SOX5: variants seen among roughly 807,000 people sequenced by gnomAD.
The protein encoded by SOX5 is SRY-box transcription factor 5.
Under a neutral mutation model 92.0 loss-of-function variants are expected in SOX5, and 9 were observed. The observed-to-expected ratio is 0.10, with a 90% CI of 0.06 to 0.17. SOX5 has a LOEUF of 0.17. Among genes scored for constraint, SOX5 ranks in the 10% least tolerant of loss-of-function variants. The pLI, the probability that SOX5 is intolerant of heterozygous loss-of-function variation, is 1.00. For missense variants in SOX5, 642 were observed against 944.5 expected (o/e 0.68, Z 4.20); for synonymous variants, 344 against 336.3 (o/e 1.02, Z -0.25).
At chr12:23,836,231 G>T (rs1005666195) in intron 3 of SOX5, among the ~76,000 whole-genome samples, 1 of 151,754 alleles carries the variant, frequency 6.6e-6, no homozygotes, top group African/African-American at 2.4e-5. Flanking sequence ...CCAACCGATA[G>T]ACCATAATTA....
At chr12:24,093,738 T>C (rs1944964267) in intron 4 of SOX5, among the ~76,000 whole-genome samples, 1 of 151,126 alleles carries the variant, frequency 6.6e-6, no homozygotes. Flanking sequence ...GACGGTCTTG[T>C]ACAAGTCCCG....
Position 23,530,827 on chromosome 12 carries a change from G to GCGCA in SOX5, c.*3391_*3392insTGCG, listed in dbSNP as rs1367835197. The GCGCA allele has an allele frequency of 2.0e-5, 3 of 148,252 alleles. No homozygotes were observed. Among genetic ancestry groups the GCGCA allele is most frequent in the African/African-American group, 5.2e-5 (2 of 38,638 alleles). The allele number at this position is 148,252 out of a possible 1,614,324, so 9.2% of individuals were successfully genotyped here. On this transcript the variant is annotated 3_prime_UTR_variant, in exon 15 of 15. Coordinates refer to ENST00000451604, the MANE Select transcript of SOX5 (RefSeq NM_006940.6). ...TGTGTGTGTGTGTGTGTGCGCGCGC[G>GCGCA]CGCGCGCGCATGTGAGAGAGAGAGA...
At chr12:23,548,070 A>G (rs956224287) in intron 11 of SOX5, among the ~76,000 whole-genome samples, 7 of 152,102 alleles carry the variant, frequency 4.6e-5, no homozygotes, top group Admixed American at 4.6e-4. Context: ...CCTCGGGTCA[A>G]TGAAGACTTT....
At chr12:23,985,967 A>G (rs1031062985) in intron 4 of SOX5, among the ~76,000 whole-genome samples, 1 of 152,152 alleles carries the variant, frequency 6.6e-6, no homozygotes, top group Non-Finnish European at 1.5e-5. Context: ...CTTTCTCAAG[A>G]TAACAACTCT....
At chr12:23,964,210 T>C (rs1394386225) in intron 4 of SOX5, among the ~76,000 whole-genome samples, 1 of 152,150 alleles carries the variant, frequency 6.6e-6, no homozygotes, top group Non-Finnish European at 1.5e-5. Flanking sequence ...AAAATTAAAA[T>C]AGTCATAAAT....
chr12:24,311,321 T>G (rs983066115), intron 2 of SOX5, among the ~76,000 whole-genome samples: 1 of 152,232 alleles, frequency 6.6e-6, no homozygotes, highest in Admixed American at 6.5e-5. Context: ...CTGGGCCTTT[T>G]GAGCCATCAT....
intron 2 of SOX5, among the ~76,000 whole-genome samples, chr12:24,352,573 C>T (rs559008160): frequency 2.6e-4 from 39 of 152,286 alleles, no homozygotes; most frequent in African/African-American, 8.9e-4. Flanking sequence ...TTCTAGTTGA[C>T]TTCTCTTTTC....
chr12:23,753,494 T>A (rs1047737109), intron 4 of SOX5, among the ~76,000 whole-genome samples: 1 of 151,814 alleles, frequency 6.6e-6, no homozygotes, highest in Non-Finnish European at 1.5e-5. Context: ...TCCTAACATA[T>A]GCAAAGGTTC....
At chr12:23,782,577 G>T (rs1227002041) in intron 3 of SOX5, among the ~76,000 whole-genome samples, 1 of 152,136 alleles carries the variant, frequency 6.6e-6, no homozygotes, top group African/African-American at 2.4e-5. Flanking sequence ...AATGATCAAA[G>T]ATCTGGCACA....
intron 4 of SOX5, among the ~76,000 whole-genome samples, chr12:24,146,989 A>C (rs1377093675): frequency 6.6e-6 from 1 of 152,168 alleles, no homozygotes; most frequent in Non-Finnish European, 1.5e-5. Context: ...GATAGTAAAA[A>C]ACCTTTCCAC....
At chr12:24,455,670 T>C (rs1014719284) in intron 1 of SOX5, among the ~76,000 whole-genome samples, 3 of 152,204 alleles carry the variant, frequency 2.0e-5, no homozygotes, top group African/African-American at 4.8e-5. Flanking sequence ...AGCATTCCAA[T>C]GAAGACTGAT....
Position 24,012,187 on chromosome 12 carries a change from G to A in SOX5, c.-1-116163C>T, listed in dbSNP as rs549482494. Among the ~76,000 whole-genome samples, 13 of 152,204 alleles carry A rather than the reference G, an allele frequency of 8.5e-5. No individual in the cohort carries two copies. The East Asian group carries it at 1.7e-3, about 20-fold the overall frequency. ...TTAATTTGCAAATGGGTTATTTAGC[G>A]GACAAGTGGTTGTTTATTTTTACTT... On this transcript the variant is annotated intron_variant, in intron 4 of 4. Coordinates refer to the SOX5 transcript ENST00000446891.
intron 4 of SOX5, among the ~76,000 whole-genome samples, chr12:24,068,575 C>T (rs1008009504): frequency 6.6e-5 from 10 of 151,366 alleles, no homozygotes; most frequent in African/African-American, 2.4e-4. Flanking sequence ...TGCCCAGCTG[C>T]AGAATGGAAG....
chr12:23,756,486 T>C (rs1315168343), intron 3 of SOX5, among the ~76,000 whole-genome samples: 1 of 151,926 alleles, frequency 6.6e-6, no homozygotes, highest in Non-Finnish European at 1.5e-5. Flanking sequence ...AACTTTAATG[T>C]ATAAGTAAAT....
At position 23,970,841 on chromosome 12, in the gene SOX5, A is replaced by ATATATATATATATATATATATATTT; in HGVS notation, c.-1-74818_-1-74817insAAATATATATATATATATATATATA. Among the ~76,000 whole-genome samples the ATATATATATATATATATATATATTT allele has an allele frequency of 4.6e-4, 10 of 21,872 alleles. 1 individual carries two copies. Among genetic ancestry groups the ATATATATATATATATATATATATTT allele is most frequent in the African/African-American group, 1.2e-3 (10 of 8,030 alleles). 14.3% of individuals were successfully genotyped at this position (21,872 alleles called of 152,430 possible). A position where few individuals can be genotyped will look rare whatever the true frequency, so the allele number is the denominator to read the frequency against. Reference sequence around the variant, plus strand: ...ACATGGGACTTTATATATATATATAATTTTTTTTTTTTTTTAAGAAATGGG... The same window carrying ATATATATATATATATATATATATTT: ...ACATGGGACTTTATATATATATATAATATATATATATATATATATATATTTTTTTTTTTTTTTTTTAAGAAATGGG... On this transcript the variant is annotated intron_variant, in intron 4 of 4. Coordinates refer to the SOX5 transcript ENST00000446891.
chr12:24,546,068 G>A (rs986797129), intron 1 of SOX5, among the ~76,000 whole-genome samples: 4 of 152,188 alleles, frequency 2.6e-5, no homozygotes, highest in Non-Finnish European at 5.9e-5. Flanking sequence ...TGACATGACT[G>A]TTAGAGGCAC....
intron 2 of SOX5, among the ~76,000 whole-genome samples, chr12:23,880,589 C>A (rs1245502775): frequency 6.6e-6 from 1 of 152,142 alleles, no homozygotes; most frequent in African/African-American, 2.4e-5. Context: ...CTCTCTATCT[C>A]CCCTTTTAAT....
intron 1 of SOX5, among the ~76,000 whole-genome samples, chr12:24,392,160 A>G (rs1053916367): frequency 6.6e-5 from 10 of 152,178 alleles, no homozygotes; most frequent in Non-Finnish European, 1.3e-4. Context: ...CTGTCACTCT[A>G]GTGCAAGCTT....
chr12:23,800,666 A>G (rs563070460), intron 3 of SOX5, among the ~76,000 whole-genome samples: 1 of 152,286 alleles, frequency 6.6e-6, no homozygotes, highest in African/African-American at 2.4e-5. Flanking sequence ...CACCTGTCAT[A>G]TTAAATGCTC....
Sources: gnomAD v4.1 joint callset for allele counts (sites outside exome capture counted in the v4.1 genomes callset) on GRCh38, gnomAD v4.1.1 for gene constraint, MANE v1.5 for transcripts, NCBI Gene and HGNC (gene_info 2026-07-23, HGNC 2026-07-21) for gene names.